The following OSTC variants were observed in gnomAD, a reference collection of about 807,000 sequenced individuals.
OSTC encodes oligosaccharyltransferase complex non-catalytic subunit.
A neutral mutation model predicts 16.4 loss-of-function variants in OSTC; 16 were observed. The ratio of observed to expected loss-of-function variants is 0.98; its 90% CI spans 0.66 to 1.49. The LOEUF (loss-of-function observed/expected upper bound fraction) is 1.49, where lower values mean the gene tolerates loss of function less well. Ranked by LOEUF, OSTC falls within the 40% of genes most tolerant of loss-of-function variation. The probability of loss-of-function intolerance (pLI) is 0.00; values close to 1 mark genes in which losing one functional copy is unlikely to be tolerated. For synonymous variants in OSTC, 67 were observed against 68.5 expected (o/e 0.98, Z 0.11); for missense variants, 139 against 186.3 (o/e 0.75, Z 1.48).
At chr4:108,662,809 T>G (rs79589932) in intron 3 of OSTC, among the ~76,000 whole-genome samples, 2,391 of 152,326 alleles carry the variant, frequency 0.016, 55 homozygotes, top group African/African-American at 0.053. Flanking sequence ...GCAGCTGGAT[T>G]GTTTCAGCGA....
chr4:108,661,135 A>G (rs1726846616), intron 3 of OSTC, among the ~76,000 whole-genome samples: 1 of 151,320 alleles, frequency 6.6e-6, no homozygotes, highest in South Asian at 2.1e-4. Flanking sequence ...CGAGAATTGC[A>G]TGAACCCAGG....
chr4:108,650,858 G>A, intron 1 of OSTC, 64 bp downstream of exon 1: 2 of 1,608,524 alleles, frequency 1.2e-6, no homozygotes, highest in Non-Finnish European at 1.7e-6. Context: ...CGGGAGGCGC[G>A]TCTGTTCCGC....
intron 3 of OSTC, among the ~76,000 whole-genome samples, chr4:108,660,152 C>T (rs963747114): frequency 1.3e-4 from 20 of 152,308 alleles, no homozygotes; most frequent in Middle Eastern, 6.8e-3. Flanking sequence ...ACACCGTTGA[C>T]TAAATCCAAA....
At chr4:108,658,220 C>T (rs1726762749) in intron 3 of OSTC, among the ~76,000 whole-genome samples, 1 of 151,996 alleles carries the variant, frequency 6.6e-6, no homozygotes, top group South Asian at 2.1e-4. Flanking sequence ...GCATGAGCTA[C>T]GGCGCCCAGC....
intron 3 of OSTC, among the ~76,000 whole-genome samples, chr4:108,665,685 A>G (rs942605309): frequency 1.3e-5 from 2 of 151,072 alleles, no homozygotes; most frequent in Non-Finnish European, 3.0e-5. Flanking sequence ...TCAGCCTCCT[A>G]AGTAGCTGAG....
chr4:108,657,385 G>C (rs1311167893), intron 2 of OSTC, 65 bp from the exon 3 acceptor site: 2 of 1,423,560 alleles, frequency 1.4e-6, no homozygotes, highest in African/African-American at 2.9e-5. Context: ...ACGGAAATAG[G>C]AATTTCAATT....
intron 3 of OSTC, chr4:108,663,210 T>C: frequency 2.2e-6 from 1 of 456,040 alleles, no homozygotes; most frequent in Non-Finnish European, 4.4e-6. Flanking sequence ...ACCATTACTG[T>C]TTTTGTTTTG....
chr4:108,651,606 A>G (rs1003825098), intron 1 of OSTC: 5 of 152,214 alleles, frequency 3.3e-5, no homozygotes, highest in African/African-American at 1.2e-4. Flanking sequence ...TTCAGGCCAC[A>G]GTTCCAAGAT....
intron 1 of OSTC, among the ~76,000 whole-genome samples, chr4:108,654,069 A>G (rs1352141906): frequency 1.3e-5 from 2 of 152,234 alleles, no homozygotes; most frequent in Non-Finnish European, 2.9e-5. Flanking sequence ...CACAAAAGCC[A>G]TAAGAAGAGG....
At position 108,658,455 on chromosome 4, in the gene OSTC, G is replaced by A. The variant is rs577878096; in HGVS notation, c.431+808G>A. 1.5e-4 allele frequency among the ~76,000 whole-genome samples: 21 copies of A among 144,626 alleles called. No homozygotes were observed. The East Asian group carries it at 2.6e-3, about 18-fold the overall frequency. The allele number at this position is 144,626 out of a possible 152,430, so 94.9% of individuals were successfully genotyped here. Reference sequence around the variant, plus strand: ...TGTGTGTGTGTGTGTGTATGTGTGCGTGTTTAATGTGTATTTAAAGATTAT... The same window carrying A: ...TGTGTGTGTGTGTGTGTATGTGTGCATGTTTAATGTGTATTTAAAGATTAT... On this transcript the variant is annotated intron_variant, in intron 3 of 3. Transcript: ENST00000361564.
intron 3 of OSTC, among the ~76,000 whole-genome samples, chr4:108,660,187 A>G (rs1255106135): frequency 2.0e-5 from 3 of 152,232 alleles, no homozygotes; most frequent in African/African-American, 4.8e-5. Context: ...AAAAGGGTAT[A>G]CTTTCTGGGT....
At chr4:108,655,534 A>G (rs756222601) in intron 1 of OSTC, 30 bp from the exon 2 acceptor site, 5 of 1,358,728 alleles carry the variant, frequency 3.7e-6, no homozygotes, top group South Asian at 1.3e-5. Flanking sequence ...TAGTAATACA[A>G]TCTAATCTGT....
At chr4:108,651,537 C>G (rs1286097207) in intron 1 of OSTC, 1 of 152,136 alleles carries the variant, frequency 6.6e-6, no homozygotes, top group African/African-American at 2.4e-5. Context: ...TGCAAAGGGG[C>G]GTTGCCTTAT....
At chr4:108,654,046 T>A (rs750652609) in intron 1 of OSTC, among the ~76,000 whole-genome samples, 2 of 152,138 alleles carry the variant, frequency 1.3e-5, no homozygotes, top group East Asian at 3.9e-4. Context: ...CAAGAAAACA[T>A]GAAGAGGAGT....
intron 1 of OSTC, chr4:108,651,506 T>C (rs1726544492): frequency 6.6e-6 from 1 of 152,266 alleles, no homozygotes; most frequent in East Asian, 1.9e-4. Flanking sequence ...CATCTTATTC[T>C]GTCCTTTTCA....
intron 3 of OSTC, among the ~76,000 whole-genome samples, chr4:108,660,202 G>T (rs1043671954): frequency 2.0e-5 from 3 of 152,196 alleles, no homozygotes; most frequent in African/African-American, 7.2e-5. Context: ...CTGGGTTTCG[G>T]TTGTAGATTA....
chr4:108,650,630 C>G lies in OSTC; in HGVS notation c.-26C>G, dbSNP rs555647412. On this transcript the variant is annotated 5_prime_UTR_variant, in exon 1 of 4. Transcript: ENST00000361564. ...CCGGGAGGCGCGTGGGGCTTGAGGC[C>G]GAGAACGGCCCTTGCTGCCACCAAC... is the stretch of plus-strand genomic sequence containing the variant. The G allele has an allele frequency of 3.7e-6, 6 of 1,612,472 alleles. No individual in the cohort carries two copies. Among genetic ancestry groups the G allele is most frequent in the East Asian group, 2.2e-5 (1 of 44,856 alleles).
chr4:108,652,244 G>C (rs934303063), intron 1 of OSTC: 1 of 152,002 alleles, frequency 6.6e-6, no homozygotes, highest in Non-Finnish European at 1.5e-5. Context: ...TTCGTGAAGC[G>C]TTCCATATTT....
At chr4:108,658,798 C>T (rs1488079408) in intron 3 of OSTC, among the ~76,000 whole-genome samples, 2 of 151,918 alleles carry the variant, frequency 1.3e-5, no homozygotes, top group Non-Finnish European at 2.9e-5. Context: ...TGTGACTTAA[C>T]CTGTCCATTG....
Sources: gnomAD v4.1 joint callset for allele counts (sites outside exome capture counted in the v4.1 genomes callset) on GRCh38, gnomAD v4.1.1 for gene constraint, MANE v1.5 for transcripts, NCBI Gene and HGNC (gene_info 2026-07-23, HGNC 2026-07-21) for gene names.